The following LPAR1 variants were observed in gnomAD, a reference collection of about 807,000 sequenced individuals.
LPAR1 encodes LPA receptor 1.
LPAR1 carries 5 observed loss-of-function variants against 23.8 expected under a neutral mutation model. The observed-to-expected ratio is 0.21, with a 90% CI of 0.11 to 0.44. LPAR1 has a LOEUF of 0.44. Ranked by LOEUF, LPAR1 falls within the 20% of genes least tolerant of loss-of-function variation. The pLI is 0.99. For missense variants in LPAR1, 311 were observed against 482.8 expected (o/e 0.64, Z 3.33); for synonymous variants, 160 against 164.7 (o/e 0.97, Z 0.22).
intron 2 of LPAR1, among the ~76,000 whole-genome samples, chr9:110,989,639 A>C (rs980726232): frequency 2.0e-5 from 3 of 152,202 alleles, no homozygotes; most frequent in Non-Finnish European, 4.4e-5. Flanking sequence ...CAATCCAACA[A>C]GAAGATAAAA....
At chr9:111,013,770 T>C (rs943286013) in intron 2 of LPAR1, among the ~76,000 whole-genome samples, 1 of 152,126 alleles carries the variant, frequency 6.6e-6, no homozygotes, top group Non-Finnish European at 1.5e-5. Context: ...TTAAAGGTTA[T>C]CTAGTAAATT....
At chr9:110,931,213 T>A (rs2135680890) in intron 5 of LPAR1, among the ~76,000 whole-genome samples, 1 of 152,342 alleles carries the variant, frequency 6.6e-6, no homozygotes, top group East Asian at 1.9e-4. Context: ...CCAACATCAA[T>A]TTCATCTTGA....
At chr9:110,966,338 G>A (rs1050857478) in intron 4 of LPAR1, among the ~76,000 whole-genome samples, 2 of 152,004 alleles carry the variant, frequency 1.3e-5, no homozygotes, top group African/African-American at 4.8e-5. Flanking sequence ...AATTAGCCAG[G>A]CATGGTGGCA....
chr9:110,956,293 C>T (rs1296852592), intron 4 of LPAR1, among the ~76,000 whole-genome samples: 3 of 151,892 alleles, frequency 2.0e-5, no homozygotes, highest in African/African-American at 4.8e-5. Context: ...ATGTAGGTGA[C>T]GGGTTGATGG....
chr9:111,017,007 CTCTCCTCCCAGCACATGAAGAGT>C (rs921312002), intron 2 of LPAR1, among the ~76,000 whole-genome samples: 21 of 152,290 alleles, frequency 1.4e-4, no homozygotes, highest in African/African-American at 4.8e-4. Context: ...ATAAAATCCT[CTCTCCTCCCAGCACATGAAGAGT>C]TCTCCTCCCA....
At chr9:110,889,337 A>AACAG (rs1383602062) in intron 5 of LPAR1, among the ~76,000 whole-genome samples, 2 of 152,130 alleles carry the variant, frequency 1.3e-5, no homozygotes, top group Non-Finnish European at 2.9e-5. Flanking sequence ...CAGCCTGGGC[A>AACAG]ACAGAGTAAG....
At chr9:110,939,161 A>G (rs919302403) in intron 5 of LPAR1, among the ~76,000 whole-genome samples, 1 of 152,146 alleles carries the variant, frequency 6.6e-6, no homozygotes, top group African/African-American at 2.4e-5. Context: ...CTAAGGATGG[A>G]CACTTACAAT....
At chr9:111,013,805 A>G (rs566131794) in intron 2 of LPAR1, among the ~76,000 whole-genome samples, 1 of 152,276 alleles carries the variant, frequency 6.6e-6, no homozygotes, top group Admixed American at 6.5e-5. Flanking sequence ...TCCCTCTTGC[A>G]AACAACTCAA....
intron 2 of LPAR1, among the ~76,000 whole-genome samples, chr9:110,986,840 C>G (rs1311762431): frequency 1.3e-5 from 2 of 152,082 alleles, no homozygotes; most frequent in Admixed American, 6.6e-5. Context: ...AAAATTCAAG[C>G]ACCTTTGGGA....
chr9:110,905,883 C>A (rs1174805833), intron 5 of LPAR1, among the ~76,000 whole-genome samples: 1 of 152,144 alleles, frequency 6.6e-6, no homozygotes, highest in African/African-American at 2.4e-5. Flanking sequence ...GCTCAATACC[C>A]TGAGGTTCAG....
chr9:110,936,664 C>T (rs2094727231), intron 5 of LPAR1, among the ~76,000 whole-genome samples: 1 of 152,166 alleles, frequency 6.6e-6, no homozygotes, highest in South Asian at 2.1e-4. Context: ...GTGATCGTTT[C>T]CAACCAGAAC....
intron 2 of LPAR1, among the ~76,000 whole-genome samples, chr9:110,977,199 G>T (rs764775630): frequency 6.6e-6 from 1 of 152,142 alleles, no homozygotes; most frequent in African/African-American, 2.4e-5. Flanking sequence ...TAGAGCGATG[G>T]GGGCTGAGGG....
chr9:110,912,215 C>A (rs2092540101), intron 5 of LPAR1, among the ~76,000 whole-genome samples: 1 of 152,160 alleles, frequency 6.6e-6, no homozygotes, highest in South Asian at 2.1e-4. Flanking sequence ...TTTGACCACC[C>A]ATGTGGCCAG....
At chr9:111,003,552 G>A (rs2097166379) in intron 2 of LPAR1, among the ~76,000 whole-genome samples, 10 of 152,160 alleles carry the variant, frequency 6.6e-5, no homozygotes. Context: ...GCCCTAAAGA[G>A]TTTTCTTATT....
chr9:110,988,377 T>C (rs1453659616), intron 2 of LPAR1, among the ~76,000 whole-genome samples: 2 of 151,928 alleles, frequency 1.3e-5, no homozygotes, highest in Non-Finnish European at 2.9e-5. Context: ...AAAAATATAA[T>C]TGAAAACAAC....
At chr9:110,916,628 T>C (rs1009525953) in intron 5 of LPAR1, among the ~76,000 whole-genome samples, 1 of 152,036 alleles carries the variant, frequency 6.6e-6, no homozygotes, top group African/African-American at 2.4e-5. Context: ...AACCCTTGGG[T>C]TGGCCATACT....
chr9:110,970,247 C>A (rs557644062), intron 4 of LPAR1, among the ~76,000 whole-genome samples: 1 of 152,316 alleles, frequency 6.6e-6, no homozygotes, highest in South Asian at 2.1e-4. Flanking sequence ...AAAACCCGCA[C>A]TAGCCTAACT....
rs141859872 is a variant in LPAR1 at position 110,897,661 on chromosome 9, T to A, written c.794-21939A>T. 4.1e-3 allele frequency among the ~76,000 whole-genome samples: 618 copies of A among 152,280 alleles called. 3 individuals are homozygous for A. Among genetic ancestry groups the A allele is most frequent in the African/African-American group, 0.014 (585 of 41,550 alleles). On this transcript the variant is annotated intron_variant, in intron 5 of 5. Coordinates refer to ENST00000683809, the MANE Select transcript of LPAR1 (RefSeq NM_001351411.2). ...CATCTGTGTTCTTCAAATCATAGCA[T>A]CCTTACTAAGCTCCATCACTCTGTC...
At chr9:111,029,435 T>C (rs1031805685) in intron 2 of LPAR1, among the ~76,000 whole-genome samples, 8 of 152,066 alleles carry the variant, frequency 5.3e-5, no homozygotes, top group African/African-American at 1.7e-4. Context: ...AGCTTCGAGA[T>C]TGGTCCCACC....
Sources: allele counts gnomAD v4.1 joint callset (sites outside exome capture counted in the v4.1 genomes callset), GRCh38; gene constraint gnomAD v4.1.1; transcripts MANE v1.5; gene names NCBI Gene and HGNC (gene_info 2026-07-23, HGNC 2026-07-21).